The following ARHGAP39 variants were observed in gnomAD, a reference collection of about 807,000 sequenced individuals.
ARHGAP39 encodes Rho GTPase activating protein 39, also known as rho GTPase-activating protein 39.
ARHGAP39 carries 44 observed loss-of-function variants against 106.9 expected under a neutral mutation model. The observed-to-expected ratio is 0.41, with a 90% CI of 0.32 to 0.53. The LOEUF (loss-of-function observed/expected upper bound fraction) is 0.53, where lower values mean the gene tolerates loss of function less well. Among genes scored for constraint, ARHGAP39 ranks in the 20% least tolerant of loss-of-function variants. ARHGAP39 has a pLI of 0.21. For synonymous variants in ARHGAP39, 768 were observed against 693.2 expected (o/e 1.11, Z -1.69); for missense variants, 1,496 against 1,577.3 (o/e 0.95, Z 0.87).
chr8:144,662,605 G>A (rs1261957474), intron 1 of ARHGAP39, among the ~76,000 whole-genome samples: 2 of 105,486 alleles, frequency 1.9e-5, no homozygotes, highest in African/African-American at 3.8e-5. Context: ...TCTCCCTCCC[G>A]ATTATCCACC....
the ARHGAP39 span, among the ~76,000 whole-genome samples, chr8:144,691,694 A>G: frequency 6.6e-6 from 1 of 152,064 alleles, no homozygotes; most frequent in Non-Finnish European, 1.5e-5. Context: ...TGCAGCCCAC[A>G]ATGCATTGCA....
the ARHGAP39 span, among the ~76,000 whole-genome samples, chr8:144,692,682 A>C: frequency 6.8e-6 from 1 of 147,080 alleles, no homozygotes; most frequent in Non-Finnish European, 1.5e-5. Context: ...TAAGCCATGG[A>C]TGGCTTGGAC....
At chr8:144,643,779 A>C (rs1242394666) in intron 1 of ARHGAP39, among the ~76,000 whole-genome samples, 3 of 152,214 alleles carry the variant, frequency 2.0e-5, no homozygotes, top group Admixed American at 1.3e-4. Context: ...TACATGCGTA[A>C]CCACCATGCC....
At chr8:144,656,857 G>A (rs1196414727) in intron 1 of ARHGAP39, among the ~76,000 whole-genome samples, 1 of 144,832 alleles carries the variant, frequency 6.9e-6, no homozygotes, top group Non-Finnish European at 1.5e-5. Flanking sequence ...ATATAAGACT[G>A]GATCTCTATC....
chr8:144,601,062 G>A (rs1819894266), intron 2 of ARHGAP39, among the ~76,000 whole-genome samples: 1 of 148,758 alleles, frequency 6.7e-6, no homozygotes, highest in Non-Finnish European at 1.5e-5. Flanking sequence ...AGGCGTGCGT[G>A]CGAGCTCGTG....
intron 2 of ARHGAP39, among the ~76,000 whole-genome samples, chr8:144,590,539 C>A (rs968509252): frequency 6.6e-6 from 1 of 152,104 alleles, no homozygotes; most frequent in East Asian, 1.9e-4. Context: ...CAGATGCTGG[C>A]GCCATGCTTC....
intron 2 of ARHGAP39, among the ~76,000 whole-genome samples, chr8:144,589,856 C>G (rs955691563): frequency 6.6e-6 from 1 of 152,356 alleles, no homozygotes; most frequent in East Asian, 1.9e-4. Flanking sequence ...CCTCCAGAAG[C>G]CTTAGGACAA....
At chr8:144,602,176 T>TGTGA (rs1820018651) in intron 2 of ARHGAP39, among the ~76,000 whole-genome samples, 1 of 132,324 alleles carries the variant, frequency 7.6e-6, no homozygotes, top group East Asian at 2.6e-4. Flanking sequence ...GAGGCGTGTG[T>TGTGA]GCTCGTGTAC....
Position 144,547,937 on chromosome 8 carries a change from C to T in ARHGAP39, c.1149G>A (p.Leu383=), listed in dbSNP as rs373698256. 24 of 1,593,620 alleles carry T rather than the reference C, an allele frequency of 1.5e-5. No individual in the cohort carries two copies. In the East Asian group the frequency reaches 4.8e-4, roughly 32 times the overall value. Residue 383 remains leucine (L), a synonymous_variant, in exon 5 of 12, where the codon CTG becomes CTA. Transcript: ENST00000377307. The surrounding 1 kb of genome is among the most constrained non-coding windows in gnomAD (Gnocchi z 5.2). ...LTKQKCPERF[L]SLEYSPAGKE... is the part of the protein sequence containing the mutation. ...TGCCGGCGGGACTGTACTCCAGGCT[C>T]AGGAAGCGCTCGGGACACTTCTGCT...
chr8:144,537,616 T>G, intron 7 of ARHGAP39, 105 bp downstream of exon 7: 19 of 570,142 alleles, frequency 3.3e-5, no homozygotes, highest in Non-Finnish European at 4.7e-5. Context: ...AGTGGCCCCA[T>G]CCCCCCCGCC....
chr8:144,629,309 G>A (rs988445683), intron 1 of ARHGAP39, among the ~76,000 whole-genome samples: 1 of 152,194 alleles, frequency 6.6e-6, no homozygotes, highest in African/African-American at 2.4e-5. Flanking sequence ...GAGCAGACCC[G>A]CAGGCTCTAG....
chr8:144,572,893 G>A (rs2130886520), intron 3 of ARHGAP39, among the ~76,000 whole-genome samples: 1 of 152,324 alleles, frequency 6.6e-6, no homozygotes. Context: ...CTGGCCATCA[G>A]AGAAACGCAA....
At chr8:144,608,379 C>T (rs927396314) in intron 1 of ARHGAP39, among the ~76,000 whole-genome samples, 5 of 152,060 alleles carry the variant, frequency 3.3e-5, no homozygotes, top group African/African-American at 1.2e-4. Context: ...GCTTTCCATC[C>T]TCAGTCCATC....
intron 1 of ARHGAP39, among the ~76,000 whole-genome samples, chr8:144,623,066 G>A (rs1371720827): frequency 6.6e-6 from 1 of 152,260 alleles, no homozygotes; most frequent in African/African-American, 2.4e-5. Flanking sequence ...GGGAGGGCAA[G>A]TCCTGTGTGG....
In ARHGAP39 at chr8:144,530,823, G is replaced by A; in HGVS notation, c.3029C>T (p.Pro1010Leu). Residue 1010 changes from proline (P) to leucine (L), a missense_variant, in exon 11 of 12, where the codon CCG becomes CTG. Pro to Leu is a moderately conservative substitution (Grantham distance 98). Around this residue, in one of 4 missense-constraint regions of ARHGAP39, gnomAD observed 470 missense variants for 605.1 expected, o/e 0.78. Coordinates refer to ENST00000377307, the MANE Select transcript of ARHGAP39 (RefSeq NM_025251.3). ...GATGCACTGCTCGTAGAACTCGTGC[G>A]GGATCAGGGGCTCCTCCAGCTCCCG... Reference protein sequence around the residue: ...WYRELEEPLIPHEFYEQCIAH... With the variant: ...WYRELEEPLILHEFYEQCIAH... 1.2e-6 allele frequency: 2 copies of A among 1,611,594 alleles called. No individual in the cohort carries two copies. Among genetic ancestry groups the A allele is most frequent in the Non-Finnish European group, 1.7e-6 (2 of 1,179,694 alleles).
At chr8:144,566,029 C>T (rs576041240) in intron 3 of ARHGAP39, among the ~76,000 whole-genome samples, 40 of 150,582 alleles carry the variant, frequency 2.7e-4, no homozygotes, top group African/African-American at 9.0e-4. Flanking sequence ...AGGAGGTTGA[C>T]GCCGCCATCA....
intron 1 of ARHGAP39, among the ~76,000 whole-genome samples, chr8:144,668,695 G>A (rs992026898): frequency 1.3e-5 from 2 of 152,114 alleles, no homozygotes; most frequent in Admixed American, 1.3e-4. Flanking sequence ...CCATGTTCAT[G>A]AAATGAAAGA....
At chr8:144,574,201 AG>A (rs1563680801) in intron 3 of ARHGAP39, among the ~76,000 whole-genome samples, 1 of 148,748 alleles carries the variant, frequency 6.7e-6, no homozygotes, top group Non-Finnish European at 1.5e-5. Context: ...GAGGAGGAGG[AG>A]GGGGAAGAAG....
rs564712375 is a variant in ARHGAP39 at position 144,677,662 on chromosome 8, T to C, written c.-82+8024A>G. On this transcript the variant is annotated intron_variant, in intron 1 of 11. Coordinates refer to ENST00000377307, the MANE Select transcript of ARHGAP39 (RefSeq NM_025251.3). ...GTTGAAAAAGGCAAGGTTCAGAAAC[T>C]TTTTAAAAAGAAAAGGGTAAGGAAA... Among the ~76,000 whole-genome samples the C allele has an allele frequency of 1.2e-4, 19 of 152,268 alleles. 1 individual carries two copies. The South Asian group carries it at 3.7e-3, about 30-fold the overall frequency.
Sources: allele counts gnomAD v4.1 joint callset (sites outside exome capture counted in the v4.1 genomes callset), GRCh38; gene constraint gnomAD v4.1.1; regional missense constraint gnomAD v4.1.1; non-coding constraint Gnocchi (gnomAD v3.1); transcripts MANE v1.5; gene names NCBI Gene and HGNC (gene_info 2026-07-23, HGNC 2026-07-21).